RSBN1: variants seen among roughly 807,000 people sequenced by gnomAD.
RSBN1 encodes lysine-specific demethylase 9.
A neutral mutation model predicts 74.8 loss-of-function variants in RSBN1; 23 were observed. The observed-to-expected ratio is 0.31, with a 90% CI of 0.22 to 0.44. The LOEUF is 0.44. Among genes scored for constraint, RSBN1 ranks in the 20% least tolerant of loss-of-function variants. The probability of loss-of-function intolerance (pLI) is 1.00; values close to 1 mark genes in which losing one functional copy is unlikely to be tolerated. For missense variants in RSBN1, 808 were observed against 1,020.9 expected (o/e 0.79, Z 2.84); for synonymous variants, 407 against 379.6 (o/e 1.07, Z -0.84).
In RSBN1 at chr1:113,812,432, A is replaced by T; in HGVS notation, c.-20T>A. The T allele has an allele frequency of 6.4e-7, 1 of 1,573,100 alleles. No homozygotes were observed. The highest frequency in any genetic ancestry group is 1.1e-5 in the South Asian group (1 of 88,710). On this transcript the variant is annotated 5_prime_UTR_variant, in exon 1 of 7. Coordinates refer to ENST00000261441, the MANE Select transcript of RSBN1 (RefSeq NM_018364.5). ...GAACATGCCGGAAGCGGCCGTTCCC[A>T]GCTTTTCTCCGCAGGCCTCTCCAAC... is the stretch of plus-strand genomic sequence containing the variant.
At chr1:113,790,069 A>G (rs1350826237) in intron 2 of RSBN1, among the ~76,000 whole-genome samples, 1 of 152,128 alleles carries the variant, frequency 6.6e-6, no homozygotes, top group Non-Finnish European at 1.5e-5. Flanking sequence ...ACTTCTAGGG[A>G]GAAAGGAAAA....
At chr1:113,808,302 T>C (rs1038337498) in intron 1 of RSBN1, among the ~76,000 whole-genome samples, 17 of 152,118 alleles carry the variant, frequency 1.1e-4, no homozygotes, top group African/African-American at 3.9e-4. Context: ...TTATACCTAA[T>C]ACAATGTACA....
At chr1:113,779,812 G>GGATT (rs1334247889) in intron 2 of RSBN1, among the ~76,000 whole-genome samples, 2 of 151,682 alleles carry the variant, frequency 1.3e-5, no homozygotes, top group Admixed American at 6.6e-5. Context: ...CATGATGTCA[G>GGATT]GAGCTCAAGA....
chr1:113,770,292 A>G (rs1205153195), intron 4 of RSBN1, among the ~76,000 whole-genome samples: 1 of 152,186 alleles, frequency 6.6e-6, no homozygotes, highest in Non-Finnish European at 1.5e-5. Context: ...TAGCAACTAT[A>G]AAGGGAGCTA....
chr1:113,805,339 T>A (rs1223424498), intron 1 of RSBN1, among the ~76,000 whole-genome samples: 2 of 152,124 alleles, frequency 1.3e-5, no homozygotes, highest in Non-Finnish European at 2.9e-5. Flanking sequence ...TTTGCCCACC[T>A]TGGTCTGGGA....
At position 113,763,713 on chromosome 1, in the gene RSBN1, T is replaced by G. The variant is rs554394494; in HGVS notation, c.*2267A>C. 2.0e-5 allele frequency: 3 copies of G among 152,346 alleles called. No homozygotes were observed. Among genetic ancestry groups the G allele is most frequent in the Non-Finnish European group, 4.4e-5 (3 of 67,958 alleles). The allele number at this position is 152,346 out of a possible 1,614,324, so 9.4% of individuals were successfully genotyped here. ...ACATTTTTATTGTACTCTTTTAATGTGTTTATATTGGAGGTGAGGGTAGAA... is the reference window on the plus strand; with the variant it reads ...ACATTTTTATTGTACTCTTTTAATGGGTTTATATTGGAGGTGAGGGTAGAA... On this transcript the variant is annotated 3_prime_UTR_variant, in exon 7 of 7. Transcript: ENST00000261441.
intron 4 of RSBN1, among the ~76,000 whole-genome samples, chr1:113,775,480 T>G (rs999233033): frequency 1.3e-5 from 2 of 152,016 alleles, no homozygotes; most frequent in Non-Finnish European, 2.9e-5. Context: ...TAACTAGGAT[T>G]ACAGGAGCGT....
intron 1 of RSBN1, among the ~76,000 whole-genome samples, chr1:113,805,824 G>T (rs1192402537): frequency 6.6e-6 from 1 of 152,166 alleles, no homozygotes; most frequent in East Asian, 1.9e-4. Context: ...TCTCTTAAGT[G>T]AACTCAAGGG....
intron 5 of RSBN1, among the ~76,000 whole-genome samples, chr1:113,767,521 A>G (rs908471804): frequency 3.3e-5 from 5 of 152,190 alleles, no homozygotes; most frequent in African/African-American, 1.2e-4. Flanking sequence ...CTGGGCCCCA[A>G]CAGAATATAA....
intron 2 of RSBN1, among the ~76,000 whole-genome samples, chr1:113,778,201 T>C (rs1482764842): frequency 6.6e-6 from 1 of 152,114 alleles, no homozygotes; most frequent in Non-Finnish European, 1.5e-5. Flanking sequence ...TAATCTTCCA[T>C]GTTCATTTTG....
intron 4 of RSBN1, among the ~76,000 whole-genome samples, chr1:113,771,795 T>C (rs997514578): frequency 6.9e-6 from 1 of 144,144 alleles, no homozygotes; most frequent in Non-Finnish European, 1.5e-5. Context: ...TCAAGAAAAG[T>C]TTATGTTCCT....
chr1:113,773,483 A>G (rs1015153477), intron 4 of RSBN1, among the ~76,000 whole-genome samples: 2 of 152,136 alleles, frequency 1.3e-5, no homozygotes, highest in Admixed American at 6.5e-5. Flanking sequence ...AGATCGCACC[A>G]CTGCACTCCA....
At chr1:113,779,581 A>G (rs182679987) in intron 2 of RSBN1, among the ~76,000 whole-genome samples, 1 of 152,256 alleles carries the variant, frequency 6.6e-6, no homozygotes, top group Admixed American at 6.5e-5. Context: ...ACAAAGGCTC[A>G]TCATGGGATA....
rs555398622 is a variant in RSBN1 at position 113,811,585 on chromosome 1, G to A, written c.703+125C>T. ...GATCTGAAATCCAGGGTCCACCCCA[G>A]TGAGCTTAGAGAAGTACAGCAGCAG... On this transcript the variant is annotated intron_variant, in intron 1 of 6. Coordinates refer to ENST00000261441, the MANE Select transcript of RSBN1 (RefSeq NM_018364.5). 7.9e-5 allele frequency: 109 copies of A among 1,387,170 alleles called. 1 individual carries two copies. In the East Asian group the frequency reaches 2.9e-3, roughly 37 times the overall value. The allele number at this position is 1,387,170 out of a possible 1,614,324, so 85.9% of individuals were successfully genotyped here. A position where few individuals can be genotyped will look rare whatever the true frequency, so the allele number is the denominator to read the frequency against.
chr1:113,773,150 A>G (rs1571295765), intron 4 of RSBN1, among the ~76,000 whole-genome samples: 1 of 152,238 alleles, frequency 6.6e-6, no homozygotes, highest in East Asian at 1.9e-4. Flanking sequence ...AAACACCAAA[A>G]TAGAAACATG....
At position 113,807,844 on chromosome 1, in the gene RSBN1, T is replaced by C. The variant is rs115887360; in HGVS notation, c.703+3866A>G. Among the ~76,000 whole-genome samples, 771 of 147,084 alleles carry C rather than the reference T, an allele frequency of 5.2e-3. 12 individuals are homozygous for C. The highest frequency in any genetic ancestry group is 0.019 in the African/African-American group (738 of 39,326). On this transcript the variant is annotated intron_variant, in intron 1 of 6. Transcript: ENST00000261441. ...ACACACACAAAATTCAATTAGAAAA[T>C]AGGCAAAAGGTATAAAGAGACATTT...
intron 2 of RSBN1, among the ~76,000 whole-genome samples, chr1:113,783,435 T>C (rs182032473): frequency 6.4e-4 from 96 of 150,946 alleles, no homozygotes; most frequent in South Asian, 6.4e-4. Flanking sequence ...TGCACCAACT[T>C]TCAACCTGAA....
At chr1:113,805,826 A>G (rs1288508178) in intron 1 of RSBN1, among the ~76,000 whole-genome samples, 1 of 152,150 alleles carries the variant, frequency 6.6e-6, no homozygotes, top group Non-Finnish European at 1.5e-5. Flanking sequence ...TCTTAAGTGA[A>G]CTCAAGGGTG....
chr1:113,792,012 G>A (rs964583047), intron 2 of RSBN1, among the ~76,000 whole-genome samples: 6 of 152,054 alleles, frequency 3.9e-5, no homozygotes, highest in East Asian at 1.9e-4. Flanking sequence ...CTCTGGAACC[G>A]TAGACACTAA....
Sources: allele counts gnomAD v4.1 joint callset (sites outside exome capture counted in the v4.1 genomes callset), GRCh38; gene constraint gnomAD v4.1.1; transcripts MANE v1.5; gene names NCBI Gene and HGNC (gene_info 2026-07-23, HGNC 2026-07-21).